CABLES2: variants seen among roughly 807,000 people sequenced by gnomAD.
CABLES2 encodes CDK5 and ABL1 enzyme substrate 2.
A neutral mutation model predicts 44.8 loss-of-function variants in CABLES2; 35 were observed. The observed-to-expected ratio is 0.78, with a 90% CI of 0.60 to 1.04. CABLES2 has a LOEUF of 1.04. Ranked by LOEUF, CABLES2 falls within the 50% of genes least tolerant of loss-of-function variation. The probability of loss-of-function intolerance (pLI) is 0.00; values close to 1 mark genes in which losing one functional copy is unlikely to be tolerated. For synonymous variants in CABLES2, 282 were observed against 281.1 expected, an observed-to-expected ratio of 1.00 and a Z score of -0.03; for missense variants, 566 against 615.7, an observed-to-expected ratio of 0.92 and a Z score of 0.85.
intron 8 of CABLES2, 134 bp downstream of exon 8, chr20:62,392,255 G>A (rs1987932427): frequency 3.0e-6 from 2 of 677,350 alleles, no homozygotes; most frequent in Non-Finnish European, 5.2e-6. Context: ...TGGGGGCCTG[G>A]TCGGATGGCG....
chr20:62,399,524 G>A (rs971370626), intron 1 of CABLES2, among the ~76,000 whole-genome samples: 4 of 151,110 alleles, frequency 2.6e-5, no homozygotes, highest in African/African-American at 9.7e-5. Context: ...TGGGATTACA[G>A]GCGTGAGCCA....
Position 62,407,285 on chromosome 20 carries a change from T to A in CABLES2, c.-9A>T. ...GCCGCGGCCGCGGCCATCCTCAGAC[T>A]GCGCCCGCCGCCGCGAAGCGCCCCA... is the stretch of plus-strand genomic sequence containing the variant. On this transcript the variant is annotated 5_prime_UTR_variant, in exon 1 of 10. Coordinates refer to ENST00000279101, the MANE Select transcript of CABLES2 (RefSeq NM_031215.3). The A allele has an allele frequency of 2.6e-6, 1 of 378,290 alleles. No homozygotes were observed. The highest frequency in any genetic ancestry group is 3.6e-6 in the Non-Finnish European group (1 of 279,396). 23.4% of individuals were successfully genotyped at this position (378,290 alleles called of 1,614,324 possible).
chr20:62,398,196 A>ATGGTGATGGTGGTGGTGATGG (rs1569017848), intron 1 of CABLES2, among the ~76,000 whole-genome samples: 23 of 68,368 alleles, frequency 3.4e-4, no homozygotes, highest in East Asian at 1.6e-3. Context: ...GATGGTGATG[A>ATGGTGATGGTGGTGGTGATGG]TGGTGGTGAT....
intron 1 of CABLES2, among the ~76,000 whole-genome samples, chr20:62,398,001 G>A (rs1400518296): frequency 9.1e-5 from 10 of 109,976 alleles, no homozygotes; most frequent in Non-Finnish European, 1.1e-4. Flanking sequence ...GGTGATGATG[G>A]TGATGGTTAT....
Position 62,394,122 on chromosome 20 carries a change from C to A in CABLES2, c.714+35G>T, listed in dbSNP as rs186588048. The A allele has an allele frequency of 7.7e-6, 12 of 1,565,922 alleles. No homozygotes were observed. The South Asian group carries it at 1.3e-4, about 17-fold the overall frequency. ...CTCCCACCCGCCTGCCTGGCCCTGA[C>A]GGCGCTGGGTGTCCACCAGCGAAGA... On this transcript the variant is annotated intron_variant, in intron 5 of 9. Transcript: ENST00000279101.
At chr20:62,398,109 G>GCGGTGGTGGTGA (rs1988090786) in intron 1 of CABLES2, among the ~76,000 whole-genome samples, 4 of 104,842 alleles carry the variant, frequency 3.8e-5, no homozygotes, top group Non-Finnish European at 8.2e-5. Context: ...GGTGGTGATG[G>GCGGTGGTGGTGA]TGGTGGTGGT....
At chr20:62,392,567 G>A in intron 7 of CABLES2, 72 bp from the exon 8 acceptor site, 1 of 1,115,010 alleles carries the variant, frequency 9.0e-7, no homozygotes, top group Non-Finnish European at 1.4e-6. Context: ...TGGGTACGAT[G>A]GATTTCTCAC....
intron 1 of CABLES2, among the ~76,000 whole-genome samples, chr20:62,398,070 ACGGT>A (rs1988079595): frequency 3.5e-5 from 1 of 28,934 alleles, no homozygotes; most frequent in African/African-American, 2.2e-4. Context: ...GGTGGTGGTG[ACGGT>A]GGTGGTGGTG....
rs1988309512 is a variant in CABLES2, at chr20:62,407,065, G to A, written c.212C>T (p.Pro71Leu). 1.1e-5 allele frequency: 12 copies of A among 1,077,440 alleles called. No homozygotes were observed. Among genetic ancestry groups the A allele is most frequent in the Non-Finnish European group, 1.3e-5 (12 of 889,154 alleles). 66.7% of individuals were successfully genotyped at this position (1,077,440 alleles called of 1,614,324 possible). The change falls in exon 1 of 10, where the codon CCC (proline) becomes CTC (leucine). Residue 71 changes from proline to leucine, a missense_variant. Pro to Leu is a moderately conservative substitution (Grantham distance 98, BLOSUM62 -3). Around this residue, in one of 2 missense-constraint regions of CABLES2, gnomAD observed 130 missense variants for 79.4 expected, o/e 1.64. Coordinates refer to ENST00000279101, the MANE Select transcript of CABLES2 (RefSeq NM_031215.3). The stretch of plus-strand genomic sequence containing the variant: ...GCGGGCCTCGGCGGGCGGCGGCGGG[G>A]GCTTCTCTCCGCCCGGGCCCAGGCT... ...PPSLGPGGEK[P>L]PPPPAEAREP...
Position 62,391,427 on chromosome 20 carries a change from G to C in CABLES2, c.1118C>G (p.Ser373Trp), listed in dbSNP as rs752198184. Residue 373 changes from serine to tryptophan, a missense_variant, in exon 9 of 10, where the codon TCG becomes TGG. Around this residue, in one of 2 missense-constraint regions of CABLES2, gnomAD observed 436 missense variants for 536.3 expected, o/e 0.81. Transcript: ENST00000279101. The surrounding 1 kb of genome is among the most constrained non-coding windows in gnomAD (Gnocchi z 5.7). ...RSLKREMRSLSEECSLEPVTV... is the reference protein window; with the variant it reads ...RSLKREMRSLWEECSLEPVTV... ...CACGGGCTCCAGGCTGCACTCCTCC[G>C]ACAGGCTCCGCATCTCCCGCTTTAA... is the stretch of plus-strand genomic sequence containing the variant. 20 of 1,613,162 alleles carry C rather than the reference G, an allele frequency of 1.2e-5. No homozygotes were observed. The highest frequency in any genetic ancestry group is 1.7e-5 in the Non-Finnish European group (20 of 1,180,000).
At chr20:62,398,243 ATGGTGATGG>A (rs1405066141) in intron 1 of CABLES2, among the ~76,000 whole-genome samples, 7 of 53,616 alleles carry the variant, frequency 1.3e-4, no homozygotes, top group South Asian at 6.8e-4. Context: ...GGTGGTGATG[ATGGTGATGG>A]TGGTGGTGAT....
At chr20:62,393,653 A>T (rs755799929) in intron 5 of CABLES2, 48 bp from the exon 6 acceptor site, 1 of 1,519,114 alleles carries the variant, frequency 6.6e-7, no homozygotes, top group Non-Finnish European at 8.8e-7. Context: ...CCGGGACCAG[A>T]GGGCAAAGTG....
chr20:62,404,838 C>T (rs1177758221), intron 1 of CABLES2: 1 of 152,248 alleles, frequency 6.6e-6, no homozygotes, highest in Admixed American at 6.5e-5. Context: ...ACTGCAGGCA[C>T]CCAGCCCATG....
At position 62,391,294 on chromosome 20, in the gene CABLES2, C is replaced by G. The variant is rs1031488064; in HGVS notation, c.1251G>C (p.Lys417Asn). The change falls in exon 9 of 10, where the codon AAG becomes AAC. Residue 417 changes from lysine to asparagine, a missense_variant. Around this residue, in one of 2 missense-constraint regions of CABLES2, gnomAD observed 436 missense variants for 536.3 expected, o/e 0.81. Coordinates refer to ENST00000279101, the MANE Select transcript of CABLES2 (RefSeq NM_031215.3). This position sits in a 1 kb window ranked among gnomAD's most constrained non-coding sequence, Gnocchi z 5.7. ...CAGACVLLAAKISSDLRKSGV... is the reference protein window; with the variant it reads ...CAGACVLLAANISSDLRKSGV... The stretch of plus-strand genomic sequence containing the variant: ...CGCTCTTGCGCAGGTCACTGCTGAT[C>G]TTGGCAGCCAGCAGCACGCAGGCGC... 6 of 1,613,040 alleles carry G rather than the reference C, an allele frequency of 3.7e-6. No individual in the cohort carries two copies. The East Asian group carries it at 1.3e-4, about 36-fold the overall frequency.
rs1200642057 is a variant in CABLES2 at position 62,390,951 on chromosome 20, A to G, written c.*20T>C. On this transcript the variant is annotated 3_prime_UTR_variant, in exon 10 of 10. Transcript: ENST00000279101. ...CCGGCAAGTGCACCTCGGTGCCCTGAGCCTTCTGTGGGGCCTCTGCTAGAA... is the reference window on the plus strand; with the variant it reads ...CCGGCAAGTGCACCTCGGTGCCCTGGGCCTTCTGTGGGGCCTCTGCTAGAA... 1.2e-6 allele frequency: 2 copies of G among 1,613,154 alleles called. No individual in the cohort carries two copies. The highest frequency in any genetic ancestry group is 1.7e-6 in the Non-Finnish European group (2 of 1,179,352).
chr20:62,395,571 C>T (rs1988003383), intron 3 of CABLES2, among the ~76,000 whole-genome samples: 1 of 152,230 alleles, frequency 6.6e-6, no homozygotes, highest in Non-Finnish European at 1.5e-5. Context: ...CACTGTTTCT[C>T]CTCCCTTGGA....
At chr20:62,397,574 A>G (rs568235764) in intron 1 of CABLES2, among the ~76,000 whole-genome samples, 20 of 152,246 alleles carry the variant, frequency 1.3e-4, no homozygotes, top group African/African-American at 4.6e-4. Flanking sequence ...TGATGCGGAG[A>G]CATGACGTGG....
At position 62,390,666 on chromosome 20, in the gene CABLES2, G is replaced by A. The variant is rs1987897910; in HGVS notation, c.*305C>T. The stretch of plus-strand genomic sequence containing the variant: ...CTGCACGCTGTGAACAAAAGGTCCT[G>A]GTACCAGGCTGGTCTCAGGCACGTG... On this transcript the variant is annotated 3_prime_UTR_variant, in exon 10 of 10. Transcript: ENST00000279101. 1 of 403,164 alleles carries A rather than the reference G, an allele frequency of 2.5e-6. No individual in the cohort carries two copies. The highest frequency in any genetic ancestry group is 2.0e-5 in the African/African-American group (1 of 49,936). The allele number at this position is 403,164 out of a possible 1,614,324, so 25.0% of individuals were successfully genotyped here. A position where few individuals can be genotyped will look rare whatever the true frequency, so the allele number is the denominator to read the frequency against.
In CABLES2 at chr20:62,398,164, T is replaced by C. The variant is rs1365190258; in HGVS notation, c.363-1572A>G. 2.7e-3 allele frequency among the ~76,000 whole-genome samples: 230 copies of C among 86,182 alleles called. 7 individuals are homozygous for C. Among genetic ancestry groups the C allele is most frequent in the African/African-American group, 0.019 (197 of 10,586 alleles). The allele number at this position is 86,182 out of a possible 152,430, so 56.5% of individuals were successfully genotyped here. A position where few individuals can be genotyped will look rare whatever the true frequency, so the allele number is the denominator to read the frequency against. On this transcript the variant is annotated intron_variant, in intron 1 of 9. Transcript: ENST00000279101. ...ATGGTGGTGGTGGTGGTGACGGTGA[T>C]GGTGGTAATGGTGGTGGTGGTGATG...
Sources: allele counts gnomAD v4.1 joint callset (sites outside exome capture counted in the v4.1 genomes callset), GRCh38; gene constraint gnomAD v4.1.1; regional missense constraint gnomAD v4.1.1; non-coding constraint Gnocchi (gnomAD v3.1); transcripts MANE v1.5; gene names NCBI Gene and HGNC (gene_info 2026-07-23, HGNC 2026-07-21).